PHETA2: variants seen among roughly 807,000 people sequenced by gnomAD.
PHETA2 encodes PH domain containing endocytic trafficking adaptor 2, also known as sesquipedalian-2.
For synonymous variants in PHETA2, 133 were observed against 142.9 expected (o/e 0.93, Z 0.50); for missense variants, 321 against 341.3 (o/e 0.94, Z 0.47).
At chr22:42,076,909 G>A (rs556048745) in intron 2 of PHETA2, among the ~76,000 whole-genome samples, 42 of 152,238 alleles carry the variant, frequency 2.8e-4, no homozygotes, top group Non-Finnish European at 5.9e-4. Context: ...CCCAGATGAG[G>A]GGATAGTTTA....
Position 42,077,902 on chromosome 22 carries a change from G to A in PHETA2, c.609G>A (p.Gln203=). ...AGWGLAEWEL[Q]GPASLLLGKG... is the part of the protein sequence containing the mutation. ...GGGGGTTGGCTGAGTGGGAGCTGCA[G>A]GGCCCTGCCAGCCTCCTCCTAGGCA... Residue 203 remains glutamine, a synonymous_variant, in exon 3 of 3, where the codon CAG becomes CAA. Transcript: ENST00000321753. 1 of 1,613,614 alleles carries A rather than the reference G, an allele frequency of 6.2e-7. No homozygotes were observed. Among genetic ancestry groups the A allele is most frequent in the Non-Finnish European group, 8.5e-7 (1 of 1,179,826 alleles).
In PHETA2 at chr22:42,077,682, A is replaced by G. The variant is rs1237215886; in HGVS notation, c.389A>G (p.Glu130Gly). ...SFGYMRLVVR[E>G]LESQLQDARQ... ...GGCTACATGCGCCTGGTGGTACGCGAGTTGGAGAGCCAGTTGCAGGACGCA... is the reference window on the plus strand; with the variant it reads ...GGCTACATGCGCCTGGTGGTACGCGGGTTGGAGAGCCAGTTGCAGGACGCA... The change falls in exon 3 of 3, where the codon GAG becomes GGG. Residue 130 changes from glutamate (E) to glycine (G), a missense_variant. Glu to Gly is a moderately conservative substitution (Grantham distance 98). Coordinates refer to ENST00000321753, the MANE Select transcript of PHETA2 (RefSeq NM_001002034.3). The G allele has an allele frequency of 1.9e-6, 3 of 1,614,150 alleles. No individual in the cohort carries two copies. The highest frequency in any genetic ancestry group is 2.5e-6 in the Non-Finnish European group (3 of 1,180,028).
chr22:42,076,618 G>A (rs374981162), intron 2 of PHETA2, among the ~76,000 whole-genome samples: 4 of 152,224 alleles, frequency 2.6e-5, no homozygotes, highest in South Asian at 4.2e-4. Flanking sequence ...ATAAACCAAG[G>A]AGAATTCCTG....
intron 1 of PHETA2, among the ~76,000 whole-genome samples, chr22:42,074,705 C>A (rs1206659694): frequency 6.6e-6 from 1 of 152,122 alleles, no homozygotes; most frequent in Non-Finnish European, 1.5e-5. Flanking sequence ...CTGCCCACCC[C>A]CTCCCTGTGC....
In PHETA2 at chr22:42,077,525, G is replaced by A. The variant is rs369597475; in HGVS notation, c.232G>A (p.Glu78Lys). 24 of 1,614,168 alleles carry A rather than the reference G, an allele frequency of 1.5e-5. No individual in the cohort carries two copies. The highest frequency in any genetic ancestry group is 1.1e-4 in the African/African-American group (8 of 75,062). The change falls in exon 3 of 3, where the codon GAG becomes AAG. Residue 78 changes from glutamate (E) to lysine (K), a missense_variant. Transcript: ENST00000321753. ...VLEGCTVELA[E>K]APVPEEFAFA... is the part of the protein sequence containing the mutation. ...GGAAGGCTGCACAGTGGAACTGGCC[G>A]AGGCTCCCGTGCCCGAGGAGTTTGC...
In PHETA2 at chr22:42,077,670, T is replaced by C. The variant is rs897751452; in HGVS notation, c.377T>C (p.Leu126Pro). 1.2e-6 allele frequency: 2 copies of C among 1,614,062 alleles called. No homozygotes were observed. The highest frequency in any genetic ancestry group is 2.7e-5 in the African/African-American group (2 of 74,950). ...LSRASFGYMR[L>P]VVRELESQLQ... ...CGGGCAAGCTTTGGCTACATGCGCC[T>C]GGTGGTACGCGAGTTGGAGAGCCAG... The change falls in exon 3 of 3, where the codon CTG (leucine) becomes CCG (proline). Residue 126 changes from leucine to proline, a missense_variant. By Grantham distance (98) the Leu-to-Pro change is moderately conservative (BLOSUM62 -3). Coordinates refer to ENST00000321753, the MANE Select transcript of PHETA2 (RefSeq NM_001002034.3).
chr22:42,076,538 C>G (rs1196906160), intron 2 of PHETA2, among the ~76,000 whole-genome samples: 1 of 152,068 alleles, frequency 6.6e-6, no homozygotes, highest in Admixed American at 6.6e-5. Context: ...GTGATCCACC[C>G]ACCTCGGCCT....
At position 42,078,407 on chromosome 22, in the gene PHETA2, C is replaced by A; in HGVS notation, c.*334C>A. On this transcript the variant is annotated 3_prime_UTR_variant, in exon 3 of 3. Transcript: ENST00000321753. ...GAATGTCACCCGAGACTGTCACAGG[C>A]TTGCCATACCTTTGGCCTACACACC... is the stretch of plus-strand genomic sequence containing the variant. 3.1e-6 allele frequency: 1 copy of A among 318,340 alleles called. No individual in the cohort carries two copies. Among genetic ancestry groups the A allele is most frequent in the South Asian group, 9.1e-5 (1 of 11,034 alleles). 19.7% of individuals were successfully genotyped at this position (318,340 alleles called of 1,614,324 possible).
chr22:42,077,816 C>T lies in PHETA2; in HGVS notation c.523C>T (p.Leu175Phe). 1 of 1,612,812 alleles carries T rather than the reference C, an allele frequency of 6.2e-7. No individual in the cohort carries two copies. Among genetic ancestry groups the T allele is most frequent in the East Asian group, 2.2e-5 (1 of 44,872 alleles). The stretch of plus-strand genomic sequence containing the variant: ...TGCGGGCCTGGAGAATGGCCACTGC[C>T]TCTCCAAGGACAGCAGCCCTGTGGG... Reference protein sequence around the residue: ...RAAGLENGHCLSKDSSPVGLV... With the variant: ...RAAGLENGHCFSKDSSPVGLV... Residue 175 changes from leucine to phenylalanine, a missense_variant, in exon 3 of 3, where the codon CTC (leucine) becomes TTC (phenylalanine). Coordinates refer to ENST00000321753, the MANE Select transcript of PHETA2 (RefSeq NM_001002034.3).
At chr22:42,076,474 T>C (rs1927284878) in intron 2 of PHETA2, among the ~76,000 whole-genome samples, 1 of 152,062 alleles carries the variant, frequency 6.6e-6, no homozygotes, top group Admixed American at 6.6e-5. Context: ...TTTTTGTATT[T>C]AGAGACGGGG....
intron 2 of PHETA2, among the ~76,000 whole-genome samples, 185 bp from the exon 3 acceptor site, chr22:42,077,095 C>T (rs533417696): frequency 6.6e-6 from 1 of 152,252 alleles, no homozygotes; most frequent in South Asian, 2.1e-4. Context: ...CACGACATCC[C>T]TTTGAGAGAA....
In PHETA2 at chr22:42,075,906, T is replaced by C. The variant is rs1178847484; in HGVS notation, c.-15+254T>C. On this transcript the variant is annotated intron_variant, in intron 2 of 2. Coordinates refer to ENST00000321753, the MANE Select transcript of PHETA2 (RefSeq NM_001002034.3). This position sits in a 1 kb window ranked among gnomAD's most constrained non-coding sequence, Gnocchi z 4.8. ...CCCATCTGGCCCTGAAGGCTGCAGATTGAGACAGAAAAATAATGTTTTATC... is the reference window on the plus strand; with the variant it reads ...CCCATCTGGCCCTGAAGGCTGCAGACTGAGACAGAAAAATAATGTTTTATC... 6.6e-6 allele frequency among the ~76,000 whole-genome samples: 1 copy of C among 152,144 alleles called. No individual in the cohort carries two copies. The highest frequency in any genetic ancestry group is 1.5e-5 in the Non-Finnish European group (1 of 68,026).
chr22:42,078,009 G>A lies in PHETA2; in HGVS notation c.716G>A (p.Arg239Gln), dbSNP rs370188916. The change falls in exon 3 of 3, where the codon CGG (arginine) becomes CAG (glutamine). Residue 239 changes from arginine (R) to glutamine (Q), a missense_variant. Transcript: ENST00000321753. ...DWYGQEIVELRQCWQKRAQGS... is the reference protein window; with the variant it reads ...DWYGQEIVELQQCWQKRAQGS... ...TATGGCCAGGAGATCGTGGAGCTGC[G>A]GCAGTGTTGGCAGAAGAGGGCCCAG... The A allele has an allele frequency of 8.7e-6, 14 of 1,610,654 alleles. No homozygotes were observed. Among genetic ancestry groups the A allele is most frequent in the African/African-American group, 2.7e-5 (2 of 74,902 alleles).
At chr22:42,077,078 T>C (rs1927308573) in intron 2 of PHETA2, among the ~76,000 whole-genome samples, 1 of 152,170 alleles carries the variant, frequency 6.6e-6, no homozygotes, top group South Asian at 2.1e-4. Context: ...TTTTTTTGCA[T>C]GATCCTCACG....
Position 42,078,143 on chromosome 22 carries a change from A to C in PHETA2, c.*70A>C, listed in dbSNP as rs1927409964. On this transcript the variant is annotated 3_prime_UTR_variant, in exon 3 of 3. Transcript: ENST00000321753. ...GGAGTTAAATGTTTACCCATTTCCA[A>C]GGTTGCGTTTTGGGAGGGGACATGG... 6.9e-7 allele frequency: 1 copy of C among 1,451,370 alleles called. No homozygotes were observed. The highest frequency in any genetic ancestry group is 9.1e-7 in the Non-Finnish European group (1 of 1,099,036). The allele number at this position is 1,451,370 out of a possible 1,614,324, so 89.9% of individuals were successfully genotyped here. A position where few individuals can be genotyped will look rare whatever the true frequency, so the allele number is the denominator to read the frequency against.
rs999693500 is a variant in PHETA2 at position 42,074,302 on chromosome 22, G to A, written c.-136G>A. On this transcript the variant is annotated 5_prime_UTR_variant, in exon 1 of 3. Coordinates refer to ENST00000321753, the MANE Select transcript of PHETA2 (RefSeq NM_001002034.3). Reference sequence around the variant, plus strand: ...GGCGGAGGCGCGGGATCTCGAGCTGGGATCGCCCTCTTGGGCTTCGGTGCG... The same window carrying A: ...GGCGGAGGCGCGGGATCTCGAGCTGAGATCGCCCTCTTGGGCTTCGGTGCG... The A allele has an allele frequency of 6.6e-6, 1 of 152,262 alleles. No individual in the cohort carries two copies. The highest frequency in any genetic ancestry group is 1.5e-5 in the Non-Finnish European group (1 of 68,062). The allele number at this position is 152,262 out of a possible 1,614,324, so 9.4% of individuals were successfully genotyped here.
Position 42,078,247 on chromosome 22 carries a change from C to A in PHETA2, c.*174C>A. 2 of 667,922 alleles carry A rather than the reference C, an allele frequency of 3.0e-6. No homozygotes were observed. The highest frequency in any genetic ancestry group is 4.9e-6 in the Non-Finnish European group (2 of 410,076). 41.4% of individuals were successfully genotyped at this position (667,922 alleles called of 1,614,324 possible). A position where few individuals can be genotyped will look rare whatever the true frequency, so the allele number is the denominator to read the frequency against. On this transcript the variant is annotated 3_prime_UTR_variant, in exon 3 of 3. Coordinates refer to ENST00000321753, the MANE Select transcript of PHETA2 (RefSeq NM_001002034.3). ...GTCTGGAAGGGACTGCGGGACCATT[C>A]CTTCCATCCTCTTTATTTCCTGAGG...
intron 1 of PHETA2, among the ~76,000 whole-genome samples, chr22:42,074,626 C>G (rs1386114476): frequency 4.6e-5 from 7 of 152,322 alleles, no homozygotes; most frequent in South Asian, 2.1e-4. Flanking sequence ...GCCTGGCCCC[C>G]CTACTGGTGG....
chr22:42,076,993 C>T (rs1372474620), intron 2 of PHETA2, among the ~76,000 whole-genome samples: 2 of 152,132 alleles, frequency 1.3e-5, no homozygotes, highest in East Asian at 1.9e-4. Flanking sequence ...TTTAGAAAGC[C>T]GTGCCCAGGT....
Sources: allele counts gnomAD v4.1 joint callset (sites outside exome capture counted in the v4.1 genomes callset), GRCh38; gene constraint gnomAD v4.1.1; non-coding constraint Gnocchi (gnomAD v3.1); transcripts MANE v1.5; gene names NCBI Gene and HGNC (gene_info 2026-07-23, HGNC 2026-07-21).